FOSL2: variants seen among roughly 807,000 people sequenced by gnomAD.
FOSL2 encodes FOS like 2, AP-1 transcription factor subunit.
In FOSL2, 3 loss-of-function variants were observed where a neutral mutation model predicts 27.7. The observed-to-expected ratio is 0.11, with a 90% CI of 0.05 to 0.28. The LOEUF is 0.28. Among genes scored for constraint, FOSL2 ranks in the 10% least tolerant of loss-of-function variants. The pLI is 1.00. For missense variants in FOSL2, 333 were observed against 445.1 expected, an observed-to-expected ratio of 0.75 and a Z score of 2.27; for synonymous variants, 179 against 190.1, an observed-to-expected ratio of 0.94 and a Z score of 0.48.
At position 28,413,424 on chromosome 2, in the gene FOSL2, C is replaced by T. The variant is rs943723215; in HGVS notation, c.*976C>T. 6.3e-5 allele frequency: 25 copies of T among 398,490 alleles called. 1 individual carries two copies. The highest frequency in any genetic ancestry group is 1.2e-3 in the Middle Eastern group (2 of 1,612). The allele number at this position is 398,490 out of a possible 1,614,324, so 24.7% of individuals were successfully genotyped here. A position where few individuals can be genotyped will look rare whatever the true frequency, so the allele number is the denominator to read the frequency against. Reference sequence around the variant, plus strand: ...GGAGCCACACATTATACTCCAAGTCCCTGCCGGGCTCCGCCTTTCCCCCAC... The same window carrying T: ...GGAGCCACACATTATACTCCAAGTCTCTGCCGGGCTCCGCCTTTCCCCCAC... On this transcript the variant is annotated 3_prime_UTR_variant, in exon 4 of 4. Coordinates refer to ENST00000264716, the MANE Select transcript of FOSL2 (RefSeq NM_005253.4).
At chr2:28,402,582 A>C (rs1295195220) in intron 1 of FOSL2, among the ~76,000 whole-genome samples, 4 of 152,234 alleles carry the variant, frequency 2.6e-5, no homozygotes, top group Non-Finnish European at 5.9e-5. Flanking sequence ...GGAGGGTTCT[A>C]CAGCATCCAT....
In FOSL2 at chr2:28,393,369, G is replaced by A. The variant is rs1663719198; in HGVS notation, c.-352G>A. On this transcript the variant is annotated 5_prime_UTR_variant, in exon 1 of 4. Coordinates refer to ENST00000264716, the MANE Select transcript of FOSL2 (RefSeq NM_005253.4). This position sits in a 1 kb window ranked among gnomAD's most constrained non-coding sequence, Gnocchi z 4.6. ...TTTTTTAATTTCCAATTTTTGATTGGGCCGTGGGTCCCCGCTGAGCTCCGG... is the reference window on the plus strand; with the variant it reads ...TTTTTTAATTTCCAATTTTTGATTGAGCCGTGGGTCCCCGCTGAGCTCCGG... The A allele has an allele frequency of 3.5e-6, 1 of 282,196 alleles. No homozygotes were observed. Among genetic ancestry groups the A allele is most frequent in the Admixed American group, 5.5e-5 (1 of 18,078 alleles). The allele number at this position is 282,196 out of a possible 1,614,324, so 17.5% of individuals were successfully genotyped here. A position where few individuals can be genotyped will look rare whatever the true frequency, so the allele number is the denominator to read the frequency against.
At chr2:28,411,901 TC>T (rs1558570454) in intron 3 of FOSL2, 28 bp from the exon 4 acceptor site, 8 of 1,613,944 alleles carry the variant, frequency 5.0e-6, no homozygotes, top group Non-Finnish European at 6.8e-6. Context: ...CAGGTTGCTG[TC>T]CCTCACATCC....
At chr2:28,411,406 T>C (rs1664195972) in intron 3 of FOSL2, among the ~76,000 whole-genome samples, 1 of 151,992 alleles carries the variant, frequency 6.6e-6, no homozygotes. Context: ...TACCCCCTTC[T>C]CCATGCAGAT....
intron 1 of FOSL2, among the ~76,000 whole-genome samples, chr2:28,402,737 A>G (rs1317669570): frequency 6.6e-6 from 1 of 152,208 alleles, no homozygotes; most frequent in Non-Finnish European, 1.5e-5. Context: ...ATTTTGAGGA[A>G]GAAAGCAATG....
chr2:28,406,866 T>C (rs746753711), intron 2 of FOSL2, among the ~76,000 whole-genome samples: 2 of 152,186 alleles, frequency 1.3e-5, no homozygotes, highest in Non-Finnish European at 2.9e-5. Context: ...TGGTGCCTCA[T>C]AGGCCTCCTC....
In FOSL2 at chr2:28,408,731, A is replaced by G. The variant is rs1558569143; in HGVS notation, c.355-28A>G. 6.5e-7 allele frequency: 1 copy of G among 1,527,022 alleles called. No homozygotes were observed. The highest frequency in any genetic ancestry group is 9.0e-7 in the Non-Finnish European group (1 of 1,112,540). 94.6% of individuals were successfully genotyped at this position (1,527,022 alleles called of 1,614,324 possible). Reference sequence around the variant, plus strand: ...TACTGTGAACCATTGTCTCTGTTCTAACCATGATCCTTGGCTTTGGCCTCT... The same window carrying G: ...TACTGTGAACCATTGTCTCTGTTCTGACCATGATCCTTGGCTTTGGCCTCT... On this transcript the variant is annotated intron_variant, in intron 2 of 3. Transcript: ENST00000264716. This position sits in a 1 kb window ranked among gnomAD's most constrained non-coding sequence, Gnocchi z 4.1.
intron 2 of FOSL2, among the ~76,000 whole-genome samples, chr2:28,405,924 A>G (rs1664066877): frequency 6.6e-6 from 1 of 151,980 alleles, no homozygotes; most frequent in Non-Finnish European, 1.5e-5. Flanking sequence ...CCTTATACTC[A>G]CTGATGAGCT....
intron 1 of FOSL2, among the ~76,000 whole-genome samples, chr2:28,399,553 CAG>C (rs767325914): frequency 7.4e-4 from 113 of 152,226 alleles, no homozygotes; most frequent in Middle Eastern, 3.4e-3. Flanking sequence ...ACCCTAGCAA[CAG>C]GGTACAGCAG....
At chr2:28,396,805 C>CACACACACAA (rs1663848309) in intron 1 of FOSL2, 2 of 149,124 alleles carry the variant, frequency 1.3e-5, no homozygotes, top group African/African-American at 5.0e-5. Context: ...CACACACACA[C>CACACACACAA]ACACACACAC....
In FOSL2 at chr2:28,393,025, C is replaced by G; in HGVS notation, c.-696C>G. 1 of 557,886 alleles carries G rather than the reference C, an allele frequency of 1.8e-6. No individual in the cohort carries two copies. The highest frequency in any genetic ancestry group is 3.2e-6 in the Non-Finnish European group (1 of 309,074). 34.6% of individuals were successfully genotyped at this position (557,886 alleles called of 1,614,324 possible). On this transcript the variant is annotated 5_prime_UTR_variant, in exon 1 of 4. Coordinates refer to ENST00000264716, the MANE Select transcript of FOSL2 (RefSeq NM_005253.4). This position sits in a 1 kb window ranked among gnomAD's most constrained non-coding sequence, Gnocchi z 4.6. The stretch of plus-strand genomic sequence containing the variant: ...GGGAGCGGGCTCCGGGGAAGGGGTG[C>G]GGGTCTGGGCGCCGGAGCGGGGAGC...
rs1423823434 is a variant in FOSL2, at chr2:28,416,424, T to C, written c.*3976T>C. The stretch of plus-strand genomic sequence containing the variant: ...TGTATCAAGCCTGAATAGAAACTGA[T>C]AGCATTAAAATACTCCGTTCCTCTC... On this transcript the variant is annotated 3_prime_UTR_variant, in exon 4 of 4. Coordinates refer to ENST00000264716, the MANE Select transcript of FOSL2 (RefSeq NM_005253.4). The C allele has an allele frequency of 6.6e-6, 1 of 151,806 alleles. No individual in the cohort carries two copies. Among genetic ancestry groups the C allele is most frequent in the Non-Finnish European group, 1.5e-5 (1 of 68,014 alleles). 9.4% of individuals were successfully genotyped at this position (151,806 alleles called of 1,614,324 possible). A position where few individuals can be genotyped will look rare whatever the true frequency, so the allele number is the denominator to read the frequency against.
chr2:28,413,936 A>G lies in FOSL2; in HGVS notation c.*1488A>G. 1 of 397,730 alleles carries G rather than the reference A, an allele frequency of 2.5e-6. No homozygotes were observed. Among genetic ancestry groups the G allele is most frequent in the Non-Finnish European group, 4.4e-6 (1 of 225,930 alleles). 24.6% of individuals were successfully genotyped at this position (397,730 alleles called of 1,614,324 possible). A position where few individuals can be genotyped will look rare whatever the true frequency, so the allele number is the denominator to read the frequency against. On this transcript the variant is annotated 3_prime_UTR_variant, in exon 4 of 4. Coordinates refer to ENST00000264716, the MANE Select transcript of FOSL2 (RefSeq NM_005253.4). ...CTGCCCCCTTTCACGGGGTTGGGGA[A>G]GGGTCCCCCTGGCCTCCAGCAGGAG...
chr2:28,396,540 A>G (rs191266323), intron 1 of FOSL2, among the ~76,000 whole-genome samples: 1 of 151,886 alleles, frequency 6.6e-6, no homozygotes, highest in Non-Finnish European at 1.5e-5. Flanking sequence ...CTGCTTGACT[A>G]TTACGGTTTC....
In FOSL2 at chr2:28,404,627, C is replaced by T. The variant is rs1664041639; in HGVS notation, c.354+269C>T. Among the ~76,000 whole-genome samples, 1 of 152,196 alleles carries T rather than the reference C, an allele frequency of 6.6e-6. No homozygotes were observed. On this transcript the variant is annotated intron_variant, in intron 2 of 3. Transcript: ENST00000264716. This position sits in a 1 kb window ranked among gnomAD's most constrained non-coding sequence, Gnocchi z 4.7. ...AATGGGGATCATGGTCCCTGCAAGC[C>T]AGGACTTGGCTACAGATGGGAAGGA...
chr2:28,410,422 C>T (rs548220775), intron 3 of FOSL2: 1 of 172,544 alleles, frequency 5.8e-6, no homozygotes, highest in African/African-American at 2.4e-5. Flanking sequence ...TCCCCCACCT[C>T]CCCCGCCCTC....
intron 1 of FOSL2, 138 bp from the exon 2 acceptor site, chr2:28,403,969 C>A: frequency 3.2e-6 from 3 of 928,564 alleles, no homozygotes; most frequent in South Asian, 1.6e-5. Context: ...TCCAGGCCCA[C>A]CTGGGGTCCT....
rs1210532824 is a variant in FOSL2, at chr2:28,393,451, T to G, written c.-270T>G. The stretch of plus-strand genomic sequence containing the variant: ...GGAGGGACCGAGAGACGCGCCGACT[T>G]TTTAGAGGGAGGGATCGGGTGGACA... On this transcript the variant is annotated 5_prime_UTR_variant, in exon 1 of 4. Transcript: ENST00000264716. This position sits in a 1 kb window ranked among gnomAD's most constrained non-coding sequence, Gnocchi z 4.6. 55 of 384,546 alleles carry G rather than the reference T, an allele frequency of 1.4e-4. No individual in the cohort carries two copies. The highest frequency in any genetic ancestry group is 4.5e-4 in the East Asian group (8 of 17,806). The allele number at this position is 384,546 out of a possible 1,614,324, so 23.8% of individuals were successfully genotyped here.
In FOSL2 at chr2:28,412,035, G is replaced by A. The variant is rs754644292; in HGVS notation, c.568G>A (p.Val190Met). Reference sequence around the variant, plus strand: ...GTTCATGTTGGTGGCTCACGGCCCAGTGTGCAAGATTAGCCCCGAGGAGCG... The same window carrying A: ...GTTCATGTTGGTGGCTCACGGCCCAATGTGCAAGATTAGCCCCGAGGAGCG... The part of the protein sequence containing the change: ...LEFMLVAHGP[V>M]CKISPEERRS... Residue 190 changes from valine to methionine, a missense_variant, in exon 4 of 4, where the codon GTG (valine) becomes ATG (methionine). Around this residue, in one of 4 missense-constraint regions of FOSL2, gnomAD observed 40 missense variants for 104.2 expected, o/e 0.38. Coordinates refer to ENST00000264716, the MANE Select transcript of FOSL2 (RefSeq NM_005253.4). This position sits in a 1 kb window ranked among gnomAD's most constrained non-coding sequence, Gnocchi z 7.1. The A allele has an allele frequency of 4.3e-6, 7 of 1,612,028 alleles. No individual in the cohort carries two copies. Among genetic ancestry groups the A allele is most frequent in the Non-Finnish European group, 5.1e-6 (6 of 1,180,000 alleles).
Sources: allele counts gnomAD v4.1 joint callset (sites outside exome capture counted in the v4.1 genomes callset), GRCh38; gene constraint gnomAD v4.1.1; regional missense constraint gnomAD v4.1.1; non-coding constraint Gnocchi (gnomAD v3.1); transcripts MANE v1.5; gene names NCBI Gene and HGNC (gene_info 2026-07-23, HGNC 2026-07-21).